Variants in HS6ST3 observed in about 807,000 individuals in gnomAD.
HS6ST3 encodes the protein heparan sulfate 6-O-sulfotransferase 3.
Under a neutral mutation model 36.7 loss-of-function variants are expected in HS6ST3, and 12 were observed. That is an observed-to-expected ratio of 0.33 (90% CI 0.21 to 0.53). The LOEUF is 0.53. Ranked by LOEUF, HS6ST3 falls within the 20% of genes least tolerant of loss-of-function variation. The pLI is 0.95. For missense variants in HS6ST3, 584 were observed against 640.9 expected (o/e 0.91, Z 0.96); for synonymous variants, 240 against 257.5 (o/e 0.93, Z 0.65).
chr13:96,150,390 C>T (rs201475739), intron 1 of HS6ST3, among the ~76,000 whole-genome samples: 1 of 152,036 alleles, frequency 6.6e-6, no homozygotes, highest in Non-Finnish European at 1.5e-5. Flanking sequence ...TGGACTCTAT[C>T]GGGAACTGGC....
At chr13:96,609,355 A>G (rs2056449794) in intron 1 of HS6ST3, among the ~76,000 whole-genome samples, 1 of 152,166 alleles carries the variant, frequency 6.6e-6, no homozygotes, top group South Asian at 2.1e-4. Context: ...CCAAATTATA[A>G]AGAGAGGTTT....
At chr13:96,746,742 TC>T (rs1470415867) in intron 1 of HS6ST3, among the ~76,000 whole-genome samples, 3 of 152,194 alleles carry the variant, frequency 2.0e-5, no homozygotes, top group South Asian at 4.1e-4. Context: ...CATCAAGATA[TC>T]CCCTGGAACT....
chr13:96,327,473 A>T (rs1392567300), intron 1 of HS6ST3, among the ~76,000 whole-genome samples: 3 of 152,006 alleles, frequency 2.0e-5, no homozygotes, highest in Non-Finnish European at 2.9e-5. Flanking sequence ...CAGGTTTGTC[A>T]AAGATCAGAT....
intron 1 of HS6ST3, among the ~76,000 whole-genome samples, chr13:96,304,711 C>CTTTCTTTTTTT (rs766397124): frequency 3.4e-5 from 3 of 89,324 alleles, no homozygotes; most frequent in Non-Finnish European, 6.8e-5. Flanking sequence ...TTCTTTCTTT[C>CTTTCTTTTTTT]TTTTTTTTTT....
chr13:96,332,913 C>CT (rs1448553185), intron 1 of HS6ST3, among the ~76,000 whole-genome samples: 17 of 152,286 alleles, frequency 1.1e-4, no homozygotes, highest in Middle Eastern at 6.8e-3. Context: ...GTCATTAGGG[C>CT]TGAAAGATTC....
chr13:96,320,389 C>T (rs2054997330), intron 1 of HS6ST3, among the ~76,000 whole-genome samples: 1 of 152,176 alleles, frequency 6.6e-6, no homozygotes, highest in South Asian at 2.1e-4. Context: ...TATATTGTCT[C>T]CTATCCCAGA....
intron 1 of HS6ST3, among the ~76,000 whole-genome samples, chr13:96,444,472 T>C (rs1373692965): frequency 6.6e-6 from 1 of 152,246 alleles, no homozygotes; most frequent in East Asian, 1.9e-4. Flanking sequence ...AGTGAGGTCT[T>C]AGTCTTGTTT....
chr13:96,519,372 G>T (rs1193546043), intron 1 of HS6ST3, among the ~76,000 whole-genome samples: 1 of 152,182 alleles, frequency 6.6e-6, no homozygotes, highest in East Asian at 1.9e-4. Flanking sequence ...ATATAACAGA[G>T]ATTGGCTATT....
At chr13:96,460,344 T>C (rs12431147) in intron 1 of HS6ST3, among the ~76,000 whole-genome samples, 48,065 of 152,118 alleles carry the variant, frequency 0.32, 9,385 homozygotes, top group Non-Finnish European at 0.44. Flanking sequence ...CAAATTCTTC[T>C]ACTTATTTAA....
chr13:96,508,931 A>G (rs987790669), intron 1 of HS6ST3, among the ~76,000 whole-genome samples: 24 of 151,948 alleles, frequency 1.6e-4, no homozygotes, highest in African/African-American at 5.8e-4. Flanking sequence ...ATCTCCATAT[A>G]GTTTTCCATA....
intron 1 of HS6ST3, among the ~76,000 whole-genome samples, chr13:96,276,117 C>T (rs1251855607): frequency 6.6e-6 from 1 of 152,164 alleles, no homozygotes; most frequent in Admixed American, 6.5e-5. Flanking sequence ...TTGATAGCCT[C>T]TGACTGCCCT....
intron 1 of HS6ST3, among the ~76,000 whole-genome samples, chr13:96,180,785 A>T (rs1456834504): frequency 6.6e-6 from 1 of 152,184 alleles, no homozygotes; most frequent in African/African-American, 2.4e-5. Flanking sequence ...TAAGTTGTTC[A>T]TAGCTACCAA....
Position 96,091,494 on chromosome 13 carries a change from A to C in HS6ST3, c.632A>C (p.Asp211Ala). ...GGCTGGAGCTGCGGGCTGCACGCCG[A>C]CTGGACGGAGCTCACCAACTGCGTG... ...STGWSCGLHA[D>A]WTELTNCVPA... The change falls in exon 1 of 2, where the codon GAC (aspartate) becomes GCC (alanine). Residue 211 changes from aspartate (D) to alanine (A), a missense_variant. Asp to Ala is a moderately radical substitution (Grantham distance 126, BLOSUM62 -2). Transcript: ENST00000376705. 3 of 1,601,698 alleles carry C rather than the reference A, an allele frequency of 1.9e-6. No individual in the cohort carries two copies. The highest frequency in any genetic ancestry group is 2.6e-6 in the Non-Finnish European group (3 of 1,176,148).
At chr13:96,200,263 A>G (rs1462557134) in intron 1 of HS6ST3, among the ~76,000 whole-genome samples, 1 of 152,152 alleles carries the variant, frequency 6.6e-6, no homozygotes, top group African/African-American at 2.4e-5. Flanking sequence ...CATACCCTGC[A>G]ATGGCTCTCG....
intron 1 of HS6ST3, among the ~76,000 whole-genome samples, chr13:96,313,355 C>T (rs1594750383): frequency 6.6e-6 from 1 of 151,514 alleles, no homozygotes; most frequent in South Asian, 2.1e-4. Flanking sequence ...AGTAAAAATT[C>T]TTCTCCATTT....
At chr13:96,175,188 G>T (rs2054206473) in intron 1 of HS6ST3, among the ~76,000 whole-genome samples, 1 of 151,932 alleles carries the variant, frequency 6.6e-6, no homozygotes, top group Non-Finnish European at 1.5e-5. Flanking sequence ...TCTTACGTTT[G>T]TGTAAATGTC....
At chr13:96,164,869 T>A (rs929355419) in intron 1 of HS6ST3, among the ~76,000 whole-genome samples, 1 of 152,156 alleles carries the variant, frequency 6.6e-6, no homozygotes, top group Non-Finnish European at 1.5e-5. Context: ...TAATTACAGC[T>A]GTGTTTTCCA....
chr13:96,363,269 G>A (rs1437013836), intron 1 of HS6ST3, among the ~76,000 whole-genome samples: 1 of 149,178 alleles, frequency 6.7e-6, no homozygotes, highest in African/African-American at 2.5e-5. Flanking sequence ...TGGGTGAAGG[G>A]TTTATGGGGT....
At chr13:96,218,020 C>T (rs2054435806) in intron 1 of HS6ST3, among the ~76,000 whole-genome samples, 1 of 151,962 alleles carries the variant, frequency 6.6e-6, no homozygotes, top group Non-Finnish European at 1.5e-5. Context: ...TTTCATGAGT[C>T]CAGGTCCCAA....
Sources: gnomAD v4.1 joint callset for allele counts (sites outside exome capture counted in the v4.1 genomes callset) on GRCh38, gnomAD v4.1.1 for gene constraint, MANE v1.5 for transcripts, NCBI Gene and HGNC (gene_info 2026-07-23, HGNC 2026-07-21) for gene names.